Variants in MIA3 observed in about 807,000 individuals in gnomAD.
MIA3 encodes the protein transport and Golgi organization protein 1 homolog.
A neutral mutation model predicts 192.4 loss-of-function variants in MIA3; 90 were observed. That is an observed-to-expected ratio of 0.47 (90% confidence interval 0.39 to 0.56). The LOEUF (loss-of-function observed/expected upper bound fraction) is 0.56, where lower values mean the gene tolerates loss of function less well. Among genes scored for constraint, MIA3 ranks in the 20% least tolerant of loss-of-function variants. The pLI is 0.00. For missense variants in MIA3, 2,123 were observed against 2,269.4 expected (o/e 0.94, Z 1.31); for synonymous variants, 740 against 792.8 (o/e 0.93, Z 1.12).
Position 222,663,840 on chromosome 1 carries a change from AG to A in MIA3, c.5263-157del, listed in dbSNP as rs1270851729. On this transcript the variant is annotated intron_variant, in intron 26 of 27. Transcript: ENST00000344922. ...TACTTTTAACCTTTCTAAGCTTGTC[AG>A]TGGGAACAAATGAGAGGGGTAGAGT... 6.0e-6 allele frequency: 4 copies of A among 663,482 alleles called. No homozygotes were observed. The African/African-American group carries it at 7.2e-5, about 12-fold the overall frequency. 41.1% of individuals were successfully genotyped at this position (663,482 alleles called of 1,614,324 possible).
chr1:222,654,759 G>A lies in MIA3; in HGVS notation c.4573G>A (p.Glu1525Lys), dbSNP rs771056831. Residue 1525 changes from glutamate to lysine, a missense_variant, in exon 18 of 28, where the codon GAG (glutamate) becomes AAG (lysine). Glu to Lys is a moderately conservative substitution (Grantham distance 56). Around this residue, in one of 3 missense-constraint regions of MIA3, gnomAD observed 762 missense variants for 856.4 expected, o/e 0.89. Transcript: ENST00000344922. ...GAGGCAGAAAGTGGAGATTCTGAAT[G>A]AGCTCTATCAGCAGAAGGAGATGGC... ...TLRQKVEILN[E>K]LYQQKEMALQ... The A allele has an allele frequency of 1.9e-6, 3 of 1,613,992 alleles. No homozygotes were observed. In the African/African-American group the frequency reaches 4.0e-5, roughly 22 times the overall value.
intron 18 of MIA3, 31 bp downstream of exon 18, chr1:222,654,824 A>G (rs753501724): frequency 6.3e-7 from 1 of 1,589,494 alleles, no homozygotes; most frequent in Non-Finnish European, 8.6e-7. Context: ...TGTTAACTGT[A>G]TTGTCATGTC....
intron 27 of MIA3, chr1:222,665,004 C>T: frequency 2.5e-6 from 1 of 407,016 alleles, no homozygotes; most frequent in East Asian, 6.4e-5. Flanking sequence ...TTGAGACCAG[C>T]CTGGGCAACA....
rs770237008 is a variant in MIA3 at position 222,659,667 on chromosome 1, CT to C, written c.4806+17del. The C allele has an allele frequency of 3.8e-4, 620 of 1,613,728 alleles. 1 individual carries two copies. The highest frequency in any genetic ancestry group is 5.0e-4 in the Non-Finnish European group (595 of 1,179,888). ...AGCTCATGAAAACTGGGTAAGATTT[CT>C]TTTTTTCTTTCCCTTATTTTGTGCA... On this transcript the variant is annotated intron_variant, in intron 21 of 27. Transcript: ENST00000344922.
chr1:222,655,589 A>G (rs1663675746), intron 18 of MIA3, among the ~76,000 whole-genome samples: 1 of 152,208 alleles, frequency 6.6e-6, no homozygotes, highest in Non-Finnish European at 1.5e-5. Context: ...TATTGAAACC[A>G]TACCATTAAC....
intron 2 of MIA3, 44 bp downstream of exon 2, chr1:222,621,336 G>A (rs1460802810): frequency 6.4e-7 from 1 of 1,569,902 alleles, no homozygotes; most frequent in South Asian, 1.2e-5. Context: ...ATTTTTATTG[G>A]CTTCTTTAGC....
intron 7 of MIA3, 99 bp downstream of exon 7, chr1:222,645,784 T>TA: frequency 2.9e-6 from 3 of 1,033,578 alleles, no homozygotes; most frequent in Non-Finnish European, 4.2e-6. Context: ...GAACAGAAAT[T>TA]AATGCTTTTA....
At position 222,629,543 on chromosome 1, in the gene MIA3, A is replaced by G; in HGVS notation, c.2323A>G (p.Ile775Val). The G allele has an allele frequency of 1.2e-6, 2 of 1,614,004 alleles. No homozygotes were observed. Among genetic ancestry groups the G allele is most frequent in the South Asian group, 2.2e-5 (2 of 91,056 alleles). The change falls in exon 4 of 28, where the codon ATT (isoleucine) becomes GTT (valine). Residue 775 changes from isoleucine to valine, a missense_variant. By Grantham distance (29) the Ile-to-Val change is conservative (BLOSUM62 3). This residue lies in a region of MIA3 where 1,357 missense variants were observed against 1,396.1 expected (regional missense o/e 0.97). Transcript: ENST00000344922. ...VLGTIHPDPE[I>V]EESKQETSMI... ...AGGGACCATTCATCCAGATCCAGAA[A>G]TTGAAGAAAGCAAGCAAGAAACTAG...
chr1:222,635,240 A>C (rs1203464467), intron 6 of MIA3, among the ~76,000 whole-genome samples: 1 of 152,220 alleles, frequency 6.6e-6, no homozygotes, highest in Non-Finnish European at 1.5e-5. Flanking sequence ...TTCAGAGTGA[A>C]ATTATCACTT....
At chr1:222,626,031 A>G (rs760030799) in intron 3 of MIA3, among the ~76,000 whole-genome samples, 31 of 152,116 alleles carry the variant, frequency 2.0e-4, no homozygotes, top group Non-Finnish European at 3.8e-4. Flanking sequence ...CCTTTCATAT[A>G]TATATATAAA....
intron 6 of MIA3, among the ~76,000 whole-genome samples, chr1:222,642,614 T>C (rs1325995217): frequency 6.6e-6 from 1 of 152,218 alleles, no homozygotes; most frequent in East Asian, 1.9e-4. Flanking sequence ...ATACACAAGT[T>C]ATTTCAGGAG....
Position 222,662,197 on chromosome 1 carries a change from C to T in MIA3, c.5183-56C>T, listed in dbSNP as rs1664051647. 2.5e-6 allele frequency: 4 copies of T among 1,593,454 alleles called. No homozygotes were observed. In the South Asian group the frequency reaches 3.3e-5, roughly 13 times the overall value. On this transcript the variant is annotated intron_variant, in intron 25 of 27. Transcript: ENST00000344922. ...GGGAGAGGATTTTTTTTTTAATCCTCCTCACAGAGTACACAAGTCAGAATA... is the reference window on the plus strand; with the variant it reads ...GGGAGAGGATTTTTTTTTTAATCCTTCTCACAGAGTACACAAGTCAGAATA...
chr1:222,641,499 G>C (rs911068689), intron 6 of MIA3: 1 of 496,260 alleles, frequency 2.0e-6, no homozygotes, highest in Non-Finnish European at 4.0e-6. Context: ...AGCATGGTGT[G>C]CTCCTGGAGA....
intron 6 of MIA3, among the ~76,000 whole-genome samples, chr1:222,644,898 G>A (rs1663063148): frequency 6.6e-6 from 1 of 152,112 alleles, no homozygotes; most frequent in South Asian, 2.1e-4. Flanking sequence ...TTGTGGGATG[G>A]GACCAGTGTG....
chr1:222,635,388 G>A (rs2124863542), intron 6 of MIA3, among the ~76,000 whole-genome samples: 1 of 152,258 alleles, frequency 6.6e-6, no homozygotes, highest in South Asian at 2.1e-4. Flanking sequence ...GGGATAACAG[G>A]GAATGACAGA....
rs538709858 is a variant in MIA3 at position 222,656,888 on chromosome 1, G to A, written c.4608-1834G>A. Among the ~76,000 whole-genome samples, 11 of 152,224 alleles carry A rather than the reference G, an allele frequency of 7.2e-5. No individual in the cohort carries two copies. In the South Asian group the frequency reaches 2.1e-3, roughly 29 times the overall value. On this transcript the variant is annotated intron_variant, in intron 18 of 27. Coordinates refer to ENST00000344922, the MANE Select transcript of MIA3 (RefSeq NM_198551.4). ...GGTTTCACTATTTTTCACTTTTATA[G>A]TTTCTAATCCTCTGCTGAAATGTGT... is the stretch of plus-strand genomic sequence containing the variant.
At chr1:222,665,082 C>T (rs908242934) in intron 27 of MIA3, 13 of 528,968 alleles carry the variant, frequency 2.5e-5, no homozygotes, top group Middle Eastern at 5.0e-4. Flanking sequence ...ACCTGTAGTC[C>T]CAGCTACTGG....
At chr1:222,637,611 T>C (rs1205884937) in intron 6 of MIA3, among the ~76,000 whole-genome samples, 1 of 152,178 alleles carries the variant, frequency 6.6e-6, no homozygotes, top group East Asian at 1.9e-4. Context: ...TGTTTTTTTC[T>C]GACTCTTTCT....
At chr1:222,632,802 C>CT (rs753966733) in intron 5 of MIA3, among the ~76,000 whole-genome samples, 30 of 152,118 alleles carry the variant, frequency 2.0e-4, no homozygotes, top group Admixed American at 3.3e-4. Flanking sequence ...CAATGCAGTT[C>CT]TTTTTTTTGA....
Sources: allele counts gnomAD v4.1 joint callset (sites outside exome capture counted in the v4.1 genomes callset), GRCh38; gene constraint gnomAD v4.1.1; regional missense constraint gnomAD v4.1.1; transcripts MANE v1.5; gene names NCBI Gene and HGNC (gene_info 2026-07-23, HGNC 2026-07-21).